Variants in HHAT observed in about 807,000 individuals in gnomAD.
HHAT encodes the protein hedgehog acyltransferase.
Under a neutral mutation model 70.8 loss-of-function variants are expected in HHAT, and 47 were observed. The ratio of observed to expected loss-of-function variants is 0.66; its 90% CI spans 0.53 to 0.85. HHAT has a LOEUF of 0.85. Among genes scored for constraint, HHAT ranks in the 40% least tolerant of loss-of-function variants. The pLI is 0.00. For synonymous variants in HHAT, 228 were observed against 247.6 expected, an observed-to-expected ratio of 0.92 and a Z score of 0.74; for missense variants, 609 against 604.8, an observed-to-expected ratio of 1.01 and a Z score of -0.07.
intron 5 of HHAT, 89 bp from the exon 6 acceptor site, chr1:210,404,375 C>A (rs534541917): frequency 2.1e-6 from 2 of 948,342 alleles, no homozygotes; most frequent in Admixed American, 2.1e-5. Flanking sequence ...TCTCAGATGA[C>A]GGTGGCCCTG....
At chr1:210,406,016 A>G (rs995933323) in intron 6 of HHAT, among the ~76,000 whole-genome samples, 4 of 152,180 alleles carry the variant, frequency 2.6e-5, no homozygotes, top group African/African-American at 9.7e-5. Flanking sequence ...ACAAATTCTC[A>G]GGTCCTCTCC....
At chr1:210,364,658 A>T (rs1196359423) in intron 3 of HHAT, among the ~76,000 whole-genome samples, 2 of 152,218 alleles carry the variant, frequency 1.3e-5, no homozygotes, top group Admixed American at 6.5e-5. Context: ...CTACTTCCAG[A>T]CAAAGCGGCC....
intron 11 of HHAT, among the ~76,000 whole-genome samples, chr1:210,667,076 C>CA (rs199677873): frequency 0.035 from 4,037 of 115,020 alleles, 130 homozygotes; most frequent in Admixed American, 0.099. Context: ...CAAAACATCT[C>CA]AAAAAAAAAA....
At chr1:210,364,739 G>A (rs556470067) in intron 3 of HHAT, among the ~76,000 whole-genome samples, 42 of 152,324 alleles carry the variant, frequency 2.8e-4, no homozygotes, top group Non-Finnish European at 4.9e-4. Context: ...CCCTGCAGAG[G>A]CTCCAGAGTC....
chr1:210,553,772 A>G (rs2148689794), intron 9 of HHAT, among the ~76,000 whole-genome samples: 2 of 152,216 alleles, frequency 1.3e-5, no homozygotes, highest in East Asian at 3.9e-4. Flanking sequence ...CAGACCACCC[A>G]GGGCTCTGCC....
chr1:210,616,481 A>G (rs1167088084), intron 10 of HHAT, among the ~76,000 whole-genome samples: 1 of 152,234 alleles, frequency 6.6e-6, no homozygotes, highest in Non-Finnish European at 1.5e-5. Context: ...TAAAAATTCC[A>G]GTGTCACTGT....
intron 3 of HHAT, among the ~76,000 whole-genome samples, chr1:210,382,440 C>T (rs141176077): frequency 6.6e-6 from 1 of 152,284 alleles, no homozygotes; most frequent in East Asian, 1.9e-4. Flanking sequence ...GTGACAAGTA[C>T]TAGATAGGCT....
At chr1:210,537,324 A>G (rs2095383862) in intron 9 of HHAT, among the ~76,000 whole-genome samples, 1 of 152,152 alleles carries the variant, frequency 6.6e-6, no homozygotes, top group Non-Finnish European at 1.5e-5. Flanking sequence ...ACCAGTTCAG[A>G]AACATAGTCT....
intron 9 of HHAT, among the ~76,000 whole-genome samples, chr1:210,581,584 T>G (rs1181998814): frequency 6.6e-6 from 1 of 152,242 alleles, no homozygotes; most frequent in East Asian, 1.9e-4. Flanking sequence ...GGACTAGTAC[T>G]TTTACTTTGG....
intron 3 of HHAT, among the ~76,000 whole-genome samples, chr1:210,382,850 AAAGTCC>A (rs1384754352): frequency 1.3e-5 from 2 of 152,202 alleles, no homozygotes; most frequent in Admixed American, 6.5e-5. Context: ...GGAAGGGCAG[AAAGTCC>A]AGGTACAGGG....
At chr1:210,643,607 G>T (rs997396914) in intron 11 of HHAT, among the ~76,000 whole-genome samples, 19 of 152,190 alleles carry the variant, frequency 1.2e-4, no homozygotes, top group Non-Finnish European at 2.5e-4. Context: ...AGAGATGGAG[G>T]AGATCATGAT....
chr1:210,606,921 G>T lies in HHAT; in HGVS notation c.1246-16605G>T, dbSNP rs1273372944. Among the ~76,000 whole-genome samples, 4 of 152,048 alleles carry T rather than the reference G, an allele frequency of 2.6e-5. No individual in the cohort carries two copies. The East Asian group carries it at 5.8e-4, about 22-fold the overall frequency. Reference sequence around the variant, plus strand: ...TGTATGCATTCTGTTTTTTGCTCTGGAAGCATTACTGCGAACATCTTCGGT... The same window carrying T: ...TGTATGCATTCTGTTTTTTGCTCTGTAAGCATTACTGCGAACATCTTCGGT... On this transcript the variant is annotated intron_variant, in intron 10 of 11. Coordinates refer to ENST00000261458, the MANE Select transcript of HHAT (RefSeq NM_018194.6).
chr1:210,673,604 T>A (rs944925858), intron 11 of HHAT, among the ~76,000 whole-genome samples: 4 of 116,292 alleles, frequency 3.4e-5, no homozygotes, highest in African/African-American at 1.4e-4. Context: ...TTTTTTTTTT[T>A]AAACCAATAC....
At chr1:210,518,906 G>A (rs1045367510) in intron 9 of HHAT, among the ~76,000 whole-genome samples, 7 of 152,218 alleles carry the variant, frequency 4.6e-5, no homozygotes, top group Non-Finnish European at 8.8e-5. Flanking sequence ...ATTAGAAAGA[G>A]AAATGTTATG....
intron 7 of HHAT, among the ~76,000 whole-genome samples, chr1:210,447,768 G>C (rs2148383461): frequency 6.6e-6 from 1 of 152,288 alleles, no homozygotes; most frequent in Non-Finnish European, 1.5e-5. Context: ...TGCATAATTT[G>C]ACTTCTTATG....
chr1:210,504,299 G>A (rs945773635), intron 8 of HHAT, among the ~76,000 whole-genome samples: 13 of 152,186 alleles, frequency 8.5e-5, no homozygotes, highest in Admixed American at 3.3e-4. Context: ...TCTTAATGAC[G>A]TCTAAGGAGG....
At position 210,542,753 on chromosome 1, in the gene HHAT, T is replaced by A. The variant is rs189954150; in HGVS notation, c.1043+29565T>A. On this transcript the variant is annotated intron_variant, in intron 9 of 11. Coordinates refer to ENST00000261458, the MANE Select transcript of HHAT (RefSeq NM_018194.6). Reference sequence around the variant, plus strand: ...AGCTCAAGGCTGTGGTGAGCTAGGATCAACCACTGCACTCCAGTCTGGTTG... The same window carrying A: ...AGCTCAAGGCTGTGGTGAGCTAGGAACAACCACTGCACTCCAGTCTGGTTG... 2.5e-3 allele frequency among the ~76,000 whole-genome samples: 373 copies of A among 152,228 alleles called. 1 individual carries two copies. Among genetic ancestry groups the A allele is most frequent in the African/African-American group, 8.8e-3 (364 of 41,532 alleles).
chr1:210,399,616 A>G (rs2091967223), intron 4 of HHAT, among the ~76,000 whole-genome samples: 1 of 152,178 alleles, frequency 6.6e-6, no homozygotes, highest in Non-Finnish European at 1.5e-5. Flanking sequence ...CCAGCATTTG[A>G]ATTTAGGCAG....
intron 7 of HHAT, among the ~76,000 whole-genome samples, chr1:210,456,771 A>G (rs1251491831): frequency 6.6e-6 from 1 of 152,166 alleles, no homozygotes; most frequent in African/African-American, 2.4e-5. Context: ...TTGAAATGAC[A>G]CCAGTTGCTG....
Sources: gnomAD v4.1 joint callset for allele counts (sites outside exome capture counted in the v4.1 genomes callset) on GRCh38, gnomAD v4.1.1 for gene constraint, MANE v1.5 for transcripts, NCBI Gene and HGNC (gene_info 2026-07-23, HGNC 2026-07-21) for gene names.